HEATR9: variants seen among roughly 807,000 people sequenced by gnomAD.
The protein encoded by HEATR9 is HEAT repeat containing 9.
HEATR9 carries 54 observed loss-of-function variants against 68.2 expected under a neutral mutation model. The observed-to-expected ratio is 0.79, with a 90% confidence interval of 0.64 to 0.99. The LOEUF (loss-of-function observed/expected upper bound fraction) is 0.99, where lower values mean the gene tolerates loss of function less well. Ranked by LOEUF, HEATR9 falls within the 50% of genes least tolerant of loss-of-function variation. HEATR9 has a pLI of 0.00. For missense variants in HEATR9, 662 were observed against 679.7 expected, an observed-to-expected ratio of 0.97 and a Z score of 0.29; for synonymous variants, 241 against 253.5, an observed-to-expected ratio of 0.95 and a Z score of 0.47.
At chr17:35,860,324 G>A (rs946418107) in intron 8 of HEATR9, among the ~76,000 whole-genome samples, 10 of 147,144 alleles carry the variant, frequency 6.8e-5, no homozygotes, top group African/African-American at 2.5e-4. Context: ...CCTGGGAGGT[G>A]GAGCTTGCAG....
chr17:35,863,755 G>C, intron 6 of HEATR9, 196 bp from the exon 7 acceptor site: 1 of 631,802 alleles, frequency 1.6e-6, no homozygotes. Context: ...TTAGATGTTT[G>C]TTCAAATCTC....
intron 9 of HEATR9, 46 bp from the exon 10 acceptor site, chr17:35,858,571 T>G: frequency 6.5e-7 from 1 of 1,535,678 alleles, no homozygotes. Flanking sequence ...CCTAGAGGCA[T>G]CTGTGTGGCC....
At chr17:35,860,209 C>A (rs1439026598) in intron 8 of HEATR9, among the ~76,000 whole-genome samples, 5 of 150,822 alleles carry the variant, frequency 3.3e-5, no homozygotes, top group Admixed American at 3.3e-4. Flanking sequence ...ACAGTGAAAC[C>A]CCATCTCTAC....
At chr17:35,862,722 T>C (rs562392187) in intron 8 of HEATR9, among the ~76,000 whole-genome samples, 1 of 152,316 alleles carries the variant, frequency 6.6e-6, no homozygotes, top group South Asian at 2.1e-4. Context: ...CGAAAAATCG[T>C]AAGTCAAACC....
At chr17:35,858,673 G>T in intron 9 of HEATR9, 148 bp from the exon 10 acceptor site, 1 of 835,468 alleles carries the variant, frequency 1.2e-6, no homozygotes. Context: ...AAGTTCATGT[G>T]TGCATATACA....
intron 13 of HEATR9, 125 bp from the exon 14 acceptor site, chr17:35,855,875 T>C: frequency 1.2e-6 from 1 of 810,036 alleles, no homozygotes; most frequent in Non-Finnish European, 2.1e-6. Context: ...GTTTCCCAGC[T>C]GAGATACTCC....
chr17:35,864,135 T>G lies in HEATR9; in HGVS notation c.567+111A>C, dbSNP rs926558397. ...TGCACAGTGGTGGCTGTGTCCTTAC[T>G]GGATCTGACCCGCCATCCTAGCACC... On this transcript the variant is annotated intron_variant, in intron 6 of 14. Coordinates refer to ENST00000604834, the MANE Select transcript of HEATR9 (RefSeq NM_152781.4). 2.8e-5 allele frequency: 23 copies of G among 833,244 alleles called. No homozygotes were observed. The African/African-American group carries it at 3.0e-4, about 11-fold the overall frequency. The allele number at this position is 833,244 out of a possible 1,614,324, so 51.6% of individuals were successfully genotyped here. A position where few individuals can be genotyped will look rare whatever the true frequency, so the allele number is the denominator to read the frequency against.
rs1396235035 is a variant in HEATR9, at chr17:35,858,338, G to T, written c.1033-19C>A. 5 of 1,614,050 alleles carry T rather than the reference G, an allele frequency of 3.1e-6. No homozygotes were observed. Among genetic ancestry groups the T allele is most frequent in the Non-Finnish European group, 3.4e-6 (4 of 1,180,028 alleles). ...AGCGGTCCTGAGGTCGGGGGTGAGGGTTAGTGGGGAGGTGTGAAAGATGGA... is the reference window on the plus strand; with the variant it reads ...AGCGGTCCTGAGGTCGGGGGTGAGGTTTAGTGGGGAGGTGTGAAAGATGGA... On this transcript the variant is annotated intron_variant, in intron 10 of 14. Coordinates refer to ENST00000604834, the MANE Select transcript of HEATR9 (RefSeq NM_152781.4).
In HEATR9 at chr17:35,864,301, G is replaced by C; in HGVS notation, c.512C>G (p.Ala171Gly). 1 of 1,611,150 alleles carries C rather than the reference G, an allele frequency of 6.2e-7. No individual in the cohort carries two copies. The highest frequency in any genetic ancestry group is 8.5e-7 in the Non-Finnish European group (1 of 1,177,216). The change falls in exon 6 of 15, where the codon GCT becomes GGT. Residue 171 changes from alanine (A) to glycine (G), a missense_variant and splice_region_variant. Transcript: ENST00000604834. ...REDEQFYAAQALGCLRISDKF... is the reference protein window; with the variant it reads ...REDEQFYAAQGLGCLRISDKF... ...GTCACTGATGCGTAAGCATCCCAGA[G>C]CCTGCAGGAAGAGGGATGGAGGAAA...
intron 9 of HEATR9, 144 bp downstream of exon 9, chr17:35,858,744 G>A (rs566796784): frequency 1.7e-4 from 158 of 944,988 alleles, no homozygotes; most frequent in Non-Finnish European, 2.3e-4. Context: ...ATGTCCATAT[G>A]ACCCCATACT....
Position 35,854,990 on chromosome 17 carries a change from T to G in HEATR9, c.*73A>C, listed in dbSNP as rs1331909012. 31 of 1,217,032 alleles carry G rather than the reference T, an allele frequency of 2.5e-5. No homozygotes were observed. The South Asian group carries it at 3.9e-4, about 15-fold the overall frequency. The allele number at this position is 1,217,032 out of a possible 1,614,324, so 75.4% of individuals were successfully genotyped here. A position where few individuals can be genotyped will look rare whatever the true frequency, so the allele number is the denominator to read the frequency against. ...CTTGTTTATTCACGGAAGATAAGTATAGATTGTTTTCTCATGGGAGCCTGA... is the reference window on the plus strand; with the variant it reads ...CTTGTTTATTCACGGAAGATAAGTAGAGATTGTTTTCTCATGGGAGCCTGA... On this transcript the variant is annotated 3_prime_UTR_variant, in exon 15 of 15. Transcript: ENST00000604834.
chr17:35,855,874 C>A (rs1416069240), intron 13 of HEATR9, 124 bp from the exon 14 acceptor site: 4 of 807,704 alleles, frequency 5.0e-6, no homozygotes, highest in Non-Finnish European at 8.3e-6. Flanking sequence ...GGTTTCCCAG[C>A]TGAGATACTC....
Position 35,858,871 on chromosome 17 carries a change from C to T in HEATR9, c.939+17G>A. Reference sequence around the variant, plus strand: ...GCTTCTGTTTCCCCAGGGATCCCAGCCTCCTGCCCCTCACACCTTCATCCG... The same window carrying T: ...GCTTCTGTTTCCCCAGGGATCCCAGTCTCCTGCCCCTCACACCTTCATCCG... On this transcript the variant is annotated intron_variant, in intron 9 of 14. Transcript: ENST00000604834. 4 of 1,609,728 alleles carry T rather than the reference C, an allele frequency of 2.5e-6. No individual in the cohort carries two copies. Among genetic ancestry groups the T allele is most frequent in the Non-Finnish European group, 3.4e-6 (4 of 1,177,736 alleles).
chr17:35,859,101 G>A (rs778084698), intron 8 of HEATR9, 31 bp from the exon 9 acceptor site: 1 of 1,601,380 alleles, frequency 6.2e-7, no homozygotes. Flanking sequence ...CTAAGGGGAG[G>A]GGCTATGTAC....
At chr17:35,864,380 G>A in intron 5 of HEATR9, 78 bp from the exon 6 acceptor site, 1 of 1,529,194 alleles carries the variant, frequency 6.5e-7, no homozygotes, top group South Asian at 1.1e-5. Flanking sequence ...GGATACAGCT[G>A]GAGTTTGTGC....
At chr17:35,856,646 G>T in intron 12 of HEATR9, 86 bp downstream of exon 12, 1 of 1,211,658 alleles carries the variant, frequency 8.3e-7, no homozygotes. Context: ...CTGACCCTCT[G>T]ACCCCTTCCC....
chr17:35,856,376 C>T, intron 12 of HEATR9, 152 bp from the exon 13 acceptor site: 2 of 1,571,036 alleles, frequency 1.3e-6, no homozygotes, highest in African/African-American at 1.4e-5. Context: ...AGAAAAGGGG[C>T]AGGGAGAGGA....
At chr17:35,864,621 C>T in intron 4 of HEATR9, 68 bp from the exon 5 acceptor site, 1 of 1,585,828 alleles carries the variant, frequency 6.3e-7, no homozygotes, top group East Asian at 2.2e-5. Context: ...CTAAAGGGAG[C>T]TCATCCAATC....
At chr17:35,866,126 T>C (rs1313717917) in intron 2 of HEATR9, among the ~76,000 whole-genome samples, 1 of 152,122 alleles carries the variant, frequency 6.6e-6, no homozygotes, top group East Asian at 1.9e-4. Context: ...GGGCTTCAGC[T>C]GTGGTTCCCA....
Sources: gnomAD v4.1 joint callset for allele counts (sites outside exome capture counted in the v4.1 genomes callset) on GRCh38, gnomAD v4.1.1 for gene constraint, MANE v1.5 for transcripts, NCBI Gene and HGNC (gene_info 2026-07-23, HGNC 2026-07-21) for gene names.